MET: variants seen among roughly 807,000 people sequenced by gnomAD.
MET encodes MET proto-oncogene, receptor tyrosine kinase.
MET carries 48 observed loss-of-function variants against 133.1 expected under a neutral mutation model. That is an observed-to-expected ratio of 0.36 (90% CI 0.29 to 0.46). MET has a LOEUF of 0.46. MET is among the 20% of genes least tolerant of loss of function. The probability of loss-of-function intolerance (pLI) is 1.00; values close to 1 mark genes in which losing one functional copy is unlikely to be tolerated. For missense variants in MET, 1,442 were observed against 1,695.9 expected (o/e 0.85, Z 2.63); for synonymous variants, 628 against 616.5 (o/e 1.02, Z -0.28).
At chr7:116,706,033 A>T (rs1355998204) in intron 2 of MET, among the ~76,000 whole-genome samples, 2 of 151,990 alleles carry the variant, frequency 1.3e-5, no homozygotes, top group Non-Finnish European at 2.9e-5. Flanking sequence ...GCTCATTCAC[A>T]AGTCTCTCTA....
intron 1 of MET, among the ~76,000 whole-genome samples, chr7:116,677,769 C>T (rs1372910112): frequency 6.6e-6 from 1 of 152,186 alleles, no homozygotes; most frequent in East Asian, 1.9e-4. Context: ...CCTATTGGCA[C>T]GTGGTTATTT....
At chr7:116,755,769 C>T (rs534491220) in intron 6 of MET, among the ~76,000 whole-genome samples, 4 of 152,062 alleles carry the variant, frequency 2.6e-5, no homozygotes, top group South Asian at 2.1e-4. Context: ...ACCATTTATG[C>T]GACAAGTCTT....
intron 15 of MET, among the ~76,000 whole-genome samples, chr7:116,776,191 C>A (rs1363298049): frequency 6.6e-6 from 1 of 152,054 alleles, no homozygotes; most frequent in Admixed American, 6.6e-5. Flanking sequence ...AAGCTGATGG[C>A]GTGATTTCCC....
chr7:116,706,534 G>A (rs578245798), intron 2 of MET, among the ~76,000 whole-genome samples: 1 of 152,180 alleles, frequency 6.6e-6, no homozygotes, highest in African/African-American at 2.4e-5. Flanking sequence ...GAGTAATAAT[G>A]TATATTTTTA....
rs2116604518 is a variant in MET, at chr7:116,700,145, C to T, written c.1061C>T (p.Ala354Val). ...GVFAQSKPDSAEPMDRSAMCA... is the reference protein window; with the variant it reads ...GVFAQSKPDSVEPMDRSAMCA... Reference sequence around the variant, plus strand: ...TTCGCACAAAGCAAGCCAGATTCTGCCGAACCAATGGATCGATCTGCCATG... The same window carrying T: ...TTCGCACAAAGCAAGCCAGATTCTGTCGAACCAATGGATCGATCTGCCATG... Residue 354 changes from alanine to valine, a missense_variant, in exon 2 of 21, where the codon GCC becomes GTC. Ala to Val is a moderately conservative substitution (Grantham distance 64). This residue lies in a region of MET where 762 missense variants were observed against 792.4 expected (regional missense o/e 0.96). Coordinates refer to ENST00000397752, the MANE Select transcript of MET (RefSeq NM_000245.4). 1 of 1,596,854 alleles carries T rather than the reference C, an allele frequency of 6.3e-7. No homozygotes were observed. Among genetic ancestry groups the T allele is most frequent in the Non-Finnish European group, 8.5e-7 (1 of 1,172,094 alleles).
chr7:116,685,177 A>G (rs1383601767), intron 1 of MET, among the ~76,000 whole-genome samples: 4 of 152,104 alleles, frequency 2.6e-5, no homozygotes, highest in African/African-American at 9.7e-5. Flanking sequence ...CTCCTGACCT[A>G]TTAGCTTTGG....
At chr7:116,751,948 C>G (rs1584934508) in intron 5 of MET, among the ~76,000 whole-genome samples, 1 of 152,182 alleles carries the variant, frequency 6.6e-6, no homozygotes, top group East Asian at 1.9e-4. Context: ...GTAGTACCAG[C>G]TACTCGGGAG....
Position 116,775,064 on chromosome 7 carries a change from T to C in MET, c.3212T>C (p.Ile1071Thr). ...GTCCAGGCAGTGCAGCATGTAGTGA[T>C]TGGGCCCAGTAGCCTGATTGTGCAT... Reference protein sequence around the residue: ...ELVQAVQHVVIGPSSLIVHFN... With the variant: ...ELVQAVQHVVTGPSSLIVHFN... The change falls in exon 15 of 21, where the codon ATT (isoleucine) becomes ACT (threonine). Residue 1071 changes from isoleucine (I) to threonine (T), a missense_variant. Coordinates refer to ENST00000397752, the MANE Select transcript of MET (RefSeq NM_000245.4). The C allele has an allele frequency of 2.5e-6, 4 of 1,614,172 alleles. No individual in the cohort carries two copies. Among genetic ancestry groups the C allele is most frequent in the Non-Finnish European group, 3.4e-6 (4 of 1,179,998 alleles).
At chr7:116,725,465 CATATATATAT>C in intron 2 of MET, among the ~76,000 whole-genome samples, 1 of 144,932 alleles carries the variant, frequency 6.9e-6, no homozygotes, top group South Asian at 2.2e-4. Flanking sequence ...TTATGATATA[CATATATATAT>C]ATATATATAT....
chr7:116,775,429 C>T (rs1332226306), intron 15 of MET, among the ~76,000 whole-genome samples: 4 of 152,124 alleles, frequency 2.6e-5, no homozygotes, highest in East Asian at 3.9e-4. Context: ...CAGGGCCAGG[C>T]GCAGTGGCTC....
rs863224377 is a variant in MET, at chr7:116,759,463, G to T, written c.2337G>T (p.Val779=). The change falls in exon 10 of 21, where the codon GTG becomes GTT. Residue 779 remains valine, a synonymous_variant. Transcript: ENST00000397752. Reference sequence around the variant, plus strand: ...GTGTCCCGAGAATGGTCATAAATGTGCATGAAGCAGGAAGGAACTTTACAG... The same window carrying T: ...GTGTCCCGAGAATGGTCATAAATGTTCATGAAGCAGGAAGGAACTTTACAG... ...SVSVPRMVIN[V]HEAGRNFTVA... 6.2e-7 allele frequency: 1 copy of T among 1,613,654 alleles called. No individual in the cohort carries two copies. The highest frequency in any genetic ancestry group is 1.3e-5 in the African/African-American group (1 of 75,018).
At chr7:116,761,206 T>C (rs1489622764) in intron 10 of MET, among the ~76,000 whole-genome samples, 1 of 152,194 alleles carries the variant, frequency 6.6e-6, no homozygotes, top group African/African-American at 2.4e-5. Flanking sequence ...CCAAGGATGA[T>C]TCAAACAATG....
intron 1 of MET, among the ~76,000 whole-genome samples, chr7:116,676,905 C>A (rs1475257408): frequency 6.6e-6 from 1 of 152,006 alleles, no homozygotes; most frequent in Admixed American, 6.6e-5. Context: ...TCATTAGCTA[C>A]CATGTTAAAG....
At chr7:116,748,391 G>A (rs558979535) in intron 5 of MET, among the ~76,000 whole-genome samples, 1 of 152,316 alleles carries the variant, frequency 6.6e-6, no homozygotes, top group African/African-American at 2.4e-5. Flanking sequence ...ATGAAATTAA[G>A]GCAGAAATAA....
In MET at chr7:116,755,331, A is replaced by T. The variant is rs755641157; in HGVS notation, c.1702-24A>T. On this transcript the variant is annotated intron_variant, in intron 5 of 20. Transcript: ENST00000397752. The stretch of plus-strand genomic sequence containing the variant: ...AAATTATAATATATTGGGTTTTTTT[A>T]AAAGTTCTATGTTGTCCTTGTAGGT... 90 of 1,613,002 alleles carry T rather than the reference A, an allele frequency of 5.6e-5. No individual in the cohort carries two copies. Among genetic ancestry groups the T allele is most frequent in the African/African-American group, 1.2e-4 (9 of 74,868 alleles).
At chr7:116,738,145 T>C (rs1425894686) in intron 3 of MET, among the ~76,000 whole-genome samples, 1 of 152,330 alleles carries the variant, frequency 6.6e-6, no homozygotes, top group East Asian at 1.9e-4. Context: ...GACCTGTGTG[T>C]GAGAAAAGGA....
At chr7:116,753,424 G>A (rs1406399745) in intron 5 of MET, among the ~76,000 whole-genome samples, 1 of 152,180 alleles carries the variant, frequency 6.6e-6, no homozygotes, top group African/African-American at 2.4e-5. Context: ...ACTTGGAAAT[G>A]TGTTTTGTTT....
chr7:116,714,789 C>A (rs1360065658), intron 2 of MET, among the ~76,000 whole-genome samples: 1 of 151,174 alleles, frequency 6.6e-6, no homozygotes, highest in African/African-American at 2.4e-5. Context: ...GCCACAGGGA[C>A]CCTATGGCCC....
At chr7:116,751,880 T>C (rs542724954) in intron 5 of MET, among the ~76,000 whole-genome samples, 1 of 152,064 alleles carries the variant, frequency 6.6e-6, no homozygotes, top group East Asian at 1.9e-4. Flanking sequence ...GCTAACACGG[T>C]GAAACCCTGT....
Sources: gnomAD v4.1 joint callset for allele counts (sites outside exome capture counted in the v4.1 genomes callset) on GRCh38, gnomAD v4.1.1 for gene constraint, gnomAD v4.1.1 regional missense constraint, MANE v1.5 for transcripts, NCBI Gene and HGNC (gene_info 2026-07-23, HGNC 2026-07-21) for gene names.